TMEM132B: variants seen among roughly 807,000 people sequenced by gnomAD.
The protein encoded by TMEM132B is transmembrane protein 132B.
Under a neutral mutation model 90.8 loss-of-function variants are expected in TMEM132B, and 18 were observed. The observed-to-expected ratio is 0.20, with a 90% confidence interval of 0.14 to 0.29. TMEM132B has a LOEUF of 0.29. Ranked by LOEUF, TMEM132B falls within the 10% of genes least tolerant of loss-of-function variation. The pLI is 1.00. For missense variants in TMEM132B, 1,096 were observed against 1,326.8 expected, an observed-to-expected ratio of 0.83 and a Z score of 2.70; for synonymous variants, 504 against 523.3, an observed-to-expected ratio of 0.96 and a Z score of 0.50.
intron 1 of TMEM132B, among the ~76,000 whole-genome samples, chr12:125,283,068 T>C (rs547430751): frequency 6.6e-6 from 1 of 152,268 alleles, no homozygotes; most frequent in South Asian, 2.1e-4. Context: ...AGCCCCACTT[T>C]AGGCAGCAGC....
At chr12:125,470,898 A>C (rs906579303) in intron 3 of TMEM132B, among the ~76,000 whole-genome samples, 1 of 152,156 alleles carries the variant, frequency 6.6e-6, no homozygotes, top group African/African-American at 2.4e-5. Flanking sequence ...ACAAGCGCTC[A>C]TCCTCACAGA....
intron 3 of TMEM132B, among the ~76,000 whole-genome samples, chr12:125,478,293 A>G (rs144776283): frequency 0.024 from 3,697 of 152,334 alleles, 159 homozygotes; most frequent in African/African-American, 0.084. Flanking sequence ...TAGGCTTCAG[A>G]AAGTCGGTAA....
chr12:125,634,725 C>G (rs1199774144), intron 5 of TMEM132B, among the ~76,000 whole-genome samples: 1 of 152,166 alleles, frequency 6.6e-6, no homozygotes, highest in Non-Finnish European at 1.5e-5. Context: ...TATCTGGGAG[C>G]TAGAGCATGG....
At chr12:125,520,287 TG>T (rs1883275463) in intron 4 of TMEM132B, among the ~76,000 whole-genome samples, 1 of 152,220 alleles carries the variant, frequency 6.6e-6, no homozygotes, top group Non-Finnish European at 1.5e-5. Context: ...AGTAAGTCCA[TG>T]GGTACTACCT....
chr12:125,584,600 C>T (rs1885136377), intron 5 of TMEM132B: 2 of 152,658 alleles, frequency 1.3e-5, no homozygotes, highest in Admixed American at 1.3e-4. Context: ...CCATGTGCCA[C>T]CTAACTGAAC....
At chr12:125,436,254 G>A (rs1473463654) in intron 3 of TMEM132B, among the ~76,000 whole-genome samples, 1 of 152,194 alleles carries the variant, frequency 6.6e-6, no homozygotes, top group Non-Finnish European at 1.5e-5. Flanking sequence ...CACCACAGGT[G>A]TCTTGGGATG....
In TMEM132B at chr12:125,407,383, G is replaced by T. The variant is rs929410930; in HGVS notation, c.960-8148G>T. On this transcript the variant is annotated intron_variant, in intron 2 of 8. Coordinates refer to ENST00000682704, the MANE Select transcript of TMEM132B (RefSeq NM_001366854.1). The surrounding 1 kb of genome is among the most constrained non-coding windows in gnomAD (Gnocchi z 6.7). ...GGAGTATTTAGTTCAAAAGTGGCTG[G>T]TCTAAGTAGAAGACAGAAAGATGCA... 1.3e-5 allele frequency among the ~76,000 whole-genome samples: 2 copies of T among 152,224 alleles called. No homozygotes were observed. Among genetic ancestry groups the T allele is most frequent in the Non-Finnish European group, 2.9e-5 (2 of 68,044 alleles).
intron 4 of TMEM132B, among the ~76,000 whole-genome samples, chr12:125,525,959 T>C (rs1158037296): frequency 2.6e-5 from 4 of 152,176 alleles, no homozygotes; most frequent in Admixed American, 2.0e-4. Flanking sequence ...GGAGAAATAA[T>C]AACTTGTCGT....
At chr12:125,344,858 G>A (rs753600912) in intron 1 of TMEM132B, among the ~76,000 whole-genome samples, 1 of 152,086 alleles carries the variant, frequency 6.6e-6, no homozygotes, top group Non-Finnish European at 1.5e-5. Context: ...CCAAAGTGGA[G>A]CTGTGGAAAT....
rs146096693 is a variant in TMEM132B, at chr12:125,634,609, G to A, written c.1438-9467G>A. Among the ~76,000 whole-genome samples, 641 of 152,158 alleles carry A rather than the reference G, an allele frequency of 4.2e-3. 6 individuals carry two copies. Among genetic ancestry groups the A allele is most frequent in the African/African-American group, 0.015 (608 of 41,512 alleles). On this transcript the variant is annotated intron_variant, in intron 5 of 8. Coordinates refer to ENST00000682704, the MANE Select transcript of TMEM132B (RefSeq NM_001366854.1). ...ACCAGGATATTGCCGCTGGTTTTTC[G>A]GGACCCAAGGATTCTTCAGCTAGTA...
intron 1 of TMEM132B, among the ~76,000 whole-genome samples, chr12:125,293,847 G>A (rs1288324053): frequency 6.6e-6 from 1 of 152,196 alleles, no homozygotes; most frequent in Non-Finnish European, 1.5e-5. Flanking sequence ...GGGCTGGCTT[G>A]TAACCGCTCT....
At chr12:125,593,930 A>G (rs529771918) in intron 5 of TMEM132B, among the ~76,000 whole-genome samples, 1 of 152,196 alleles carries the variant, frequency 6.6e-6, no homozygotes, top group Non-Finnish European at 1.5e-5. Context: ...AGTAAACTTC[A>G]CATATTAAAG....
At chr12:125,268,228 G>A (rs1874742350) in intron 1 of TMEM132B, among the ~76,000 whole-genome samples, 1 of 152,236 alleles carries the variant, frequency 6.6e-6, no homozygotes, top group African/African-American at 2.4e-5. Context: ...TGTTAGAAGT[G>A]TTGGCTCACC....
Position 125,583,878 on chromosome 12 carries a change from C to G in TMEM132B, c.1321C>G (p.Leu441Val), listed in dbSNP as rs749433141. The G allele has an allele frequency of 1.2e-6, 2 of 1,614,142 alleles. No homozygotes were observed. Among genetic ancestry groups the G allele is most frequent in the Non-Finnish European group, 1.7e-6 (2 of 1,180,022 alleles). ...MDTEVLNTAI[L>V]TGKPVSVPVK... ...CACCGAGGTTTTGAACACTGCCATT[C>G]TCACTGGAAAGCCTGTTTCAGTTCC... Residue 441 changes from leucine (L) to valine (V), a missense_variant, in exon 5 of 9, where the codon CTC becomes GTC. Physicochemically the swap from Leu to Val is conservative, Grantham distance 32 (BLOSUM62 1). Transcript: ENST00000682704.
rs187113600 is a variant in TMEM132B, at chr12:125,209,775, A to C, written c.67+22909A>C. 6.6e-6 allele frequency among the ~76,000 whole-genome samples: 1 copy of C among 152,360 alleles called. No homozygotes were observed. ...AGGGTTACTAATTTTATTAAAGAAC[A>C]CAATGACACCAGTTGTACCGGTATA... On this transcript the variant is annotated intron_variant, in intron 1 of 8. Transcript: ENST00000682704. The surrounding 1 kb of genome is among the most constrained non-coding windows in gnomAD (Gnocchi z 4.4).
chr12:125,475,677 T>C (rs1056523011), intron 3 of TMEM132B, among the ~76,000 whole-genome samples: 6 of 152,332 alleles, frequency 3.9e-5, no homozygotes, highest in African/African-American at 1.4e-4. Context: ...CTGGCTTCCT[T>C]GCTCCTCAGC....
intron 1 of TMEM132B, among the ~76,000 whole-genome samples, chr12:125,214,060 CAGTGCAAGG>C (rs1248746912): frequency 6.6e-6 from 1 of 152,208 alleles, no homozygotes; most frequent in African/African-American, 2.4e-5. Flanking sequence ...AATTCCAATA[CAGTGCAAGG>C]AGTGCTTCTG....
At chr12:125,281,190 G>T (rs1815501417) in intron 1 of TMEM132B, among the ~76,000 whole-genome samples, 1 of 152,188 alleles carries the variant, frequency 6.6e-6, no homozygotes, top group Non-Finnish European at 1.5e-5. Flanking sequence ...GAGGGAAGAG[G>T]TTGGCAGAAA....
intron 4 of TMEM132B, among the ~76,000 whole-genome samples, chr12:125,527,263 CGTTTACCCTTCTATCCACCCA>C (rs1566063864): frequency 6.9e-5 from 9 of 130,048 alleles, no homozygotes; most frequent in African/African-American, 1.7e-4. Context: ...TCCATCCACC[CGTTTACCCTTCTATCCACCCA>C]TCCACCCTTC....
Sources: allele counts gnomAD v4.1 joint callset (sites outside exome capture counted in the v4.1 genomes callset), GRCh38; gene constraint gnomAD v4.1.1; non-coding constraint Gnocchi (gnomAD v3.1); transcripts MANE v1.5; gene names NCBI Gene and HGNC (gene_info 2026-07-23, HGNC 2026-07-21).